The following PPP2R2B variants were observed in gnomAD, a reference collection of about 807,000 sequenced individuals.
The protein encoded by PPP2R2B is protein phosphatase 2 regulatory subunit Bbeta.
A neutral mutation model predicts 46.0 loss-of-function variants in PPP2R2B; 5 were observed. The observed-to-expected ratio is 0.11, with a 90% confidence interval of 0.06 to 0.23. The LOEUF (loss-of-function observed/expected upper bound fraction) is 0.23, where lower values mean the gene tolerates loss of function less well. PPP2R2B is among the 10% of genes least tolerant of loss of function. PPP2R2B has a pLI of 1.00. For synonymous variants in PPP2R2B, 215 were observed against 206.7 expected (o/e 1.04, Z -0.34); for missense variants, 367 against 575.0 (o/e 0.64, Z 3.70).
rs376814651 is a variant in PPP2R2B, at chr5:146,604,203, A to AC, written c.791-3744_791-3743insG. Among the ~76,000 whole-genome samples, 499 of 152,318 alleles carry AC rather than the reference A, an allele frequency of 3.3e-3. 4 individuals are homozygous for AC. The highest frequency in any genetic ancestry group is 0.012 in the African/African-American group (480 of 41,570). Reference sequence around the variant, plus strand: ...GTGATTTTACTGTGTTATCAGACGGAAATCATGGTGCTATGGAACTGGCTA... The same window carrying AC: ...GTGATTTTACTGTGTTATCAGACGGACAATCATGGTGCTATGGAACTGGCTA... On this transcript the variant is annotated intron_variant, in intron 7 of 9. Coordinates refer to ENST00000394411, the MANE Select transcript of PPP2R2B (RefSeq NM_181675.4).
At chr5:146,875,305 G>A (rs1761833035) in intron 2 of PPP2R2B, among the ~76,000 whole-genome samples, 1 of 152,034 alleles carries the variant, frequency 6.6e-6, no homozygotes, top group Non-Finnish European at 1.5e-5. Context: ...AGGTAGGGGA[G>A]GGTGGTAATT....
intron 1 of PPP2R2B, among the ~76,000 whole-genome samples, chr5:146,960,205 A>G (rs1752105861): frequency 6.6e-6 from 1 of 152,160 alleles, no homozygotes; most frequent in Non-Finnish European, 1.5e-5. Context: ...TATTGAGAGT[A>G]TCCAGGATAG....
intron 2 of PPP2R2B, among the ~76,000 whole-genome samples, chr5:146,721,194 C>A (rs1171106885): frequency 6.6e-6 from 1 of 152,116 alleles, no homozygotes; most frequent in African/African-American, 2.4e-5. Flanking sequence ...TCTAATATGA[C>A]CCTGTTGGAA....
At chr5:146,737,996 T>TA in intron 2 of PPP2R2B, among the ~76,000 whole-genome samples, 1 of 152,112 alleles carries the variant, frequency 6.6e-6, no homozygotes, top group East Asian at 1.9e-4. Context: ...ACCTGGGGAC[T>TA]ATGTTCGACC....
intron 2 of PPP2R2B, among the ~76,000 whole-genome samples, chr5:146,864,715 A>G (rs1761207515): frequency 6.6e-6 from 1 of 152,212 alleles, no homozygotes; most frequent in Admixed American, 6.5e-5. Flanking sequence ...CCTCTCAGAA[A>G]GGGTCGAAGT....
At chr5:146,738,553 G>A (rs954312784) in intron 2 of PPP2R2B, among the ~76,000 whole-genome samples, 1 of 152,140 alleles carries the variant, frequency 6.6e-6, no homozygotes, top group Non-Finnish European at 1.5e-5. Flanking sequence ...GTTCTTGAAA[G>A]GAGGGAGAAA....
At chr5:146,854,981 A>C (rs1011265978) in intron 2 of PPP2R2B, among the ~76,000 whole-genome samples, 2 of 151,994 alleles carry the variant, frequency 1.3e-5, no homozygotes, top group African/African-American at 4.8e-5. Context: ...AAATACTTCC[A>C]TTTTTTTTCT....
At chr5:146,971,559 T>C (rs1252749676) in intron 1 of PPP2R2B, among the ~76,000 whole-genome samples, 1 of 152,216 alleles carries the variant, frequency 6.6e-6, no homozygotes, top group Non-Finnish European at 1.5e-5. Flanking sequence ...CTATGATGAA[T>C]AATCTTGTAT....
intron 2 of PPP2R2B, among the ~76,000 whole-genome samples, chr5:146,749,698 A>C (rs1753428200): frequency 7.2e-6 from 1 of 139,558 alleles, no homozygotes; most frequent in Non-Finnish European, 1.5e-5. Context: ...TCCCAGGTTC[A>C]CGCCATTGTC....
intron 1 of PPP2R2B, among the ~76,000 whole-genome samples, chr5:146,954,543 C>A (rs992371103): frequency 3.3e-5 from 5 of 152,070 alleles, no homozygotes; most frequent in African/African-American, 1.2e-4. Context: ...TAAAAGACTA[C>A]AAACTGGGTG....
At chr5:146,813,864 C>T (rs765740257) in intron 2 of PPP2R2B, among the ~76,000 whole-genome samples, 14 of 152,106 alleles carry the variant, frequency 9.2e-5, no homozygotes, top group South Asian at 2.1e-4. Context: ...GGGACAGAAA[C>T]GGAGAGAGCA....
intron 2 of PPP2R2B, among the ~76,000 whole-genome samples, chr5:146,774,571 C>T (rs977303800): frequency 3.3e-5 from 5 of 152,124 alleles, no homozygotes; most frequent in African/African-American, 1.2e-4. Flanking sequence ...AATCCCAGCA[C>T]TTTGGGAGGC....
intron 5 of PPP2R2B, among the ~76,000 whole-genome samples, chr5:146,680,157 A>G (rs1392804633): frequency 2.0e-5 from 3 of 150,696 alleles, no homozygotes; most frequent in Non-Finnish European, 4.4e-5. Context: ...AATGTCCAAC[A>G]ATGATAGACT....
In PPP2R2B at chr5:146,795,851, T is replaced by C. The variant is rs541544311; in HGVS notation, c.70+82151A>G. Among the ~76,000 whole-genome samples the C allele has an allele frequency of 5.9e-5, 9 of 152,274 alleles. No homozygotes were observed. In the South Asian group the frequency reaches 1.9e-3, roughly 32 times the overall value. ...CATGACTAAAAAACAGAAGATTCGA[T>C]GGAATAACGCACATAAAATGACCAG... On this transcript the variant is annotated intron_variant, in intron 2 of 9. Transcript: ENST00000394411.
At chr5:146,707,617 G>A (rs1290097996) in intron 2 of PPP2R2B, 6 of 633,706 alleles carry the variant, frequency 9.5e-6, no homozygotes, top group African/African-American at 1.8e-5. Context: ...CAGGAGTGGA[G>A]GCAGGCGGGC....
intron 7 of PPP2R2B, among the ~76,000 whole-genome samples, chr5:146,605,940 A>G (rs976073651): frequency 1.3e-5 from 2 of 152,198 alleles, no homozygotes; most frequent in Non-Finnish European, 2.9e-5. Context: ...ATATGAATAG[A>G]TCTCCATGGA....
In PPP2R2B at chr5:146,737,951, CA is replaced by C. The variant is rs111682271; in HGVS notation, c.71-36810del. Among the ~76,000 whole-genome samples the C allele has an allele frequency of 2.4e-3, 351 of 146,448 alleles. 1 individual carries two copies. The highest frequency in any genetic ancestry group is 8.6e-3 in the African/African-American group (324 of 37,808). ...TGAGACCCTGTCTCAAAAAACAAAA[CA>C]AAACAAAAAAAACGTTGTTAGAAAC... On this transcript the variant is annotated intron_variant, in intron 2 of 9. Transcript: ENST00000394411.
At chr5:146,654,033 A>T (rs1011621698) in intron 5 of PPP2R2B, among the ~76,000 whole-genome samples, 1 of 152,140 alleles carries the variant, frequency 6.6e-6, no homozygotes, top group Non-Finnish European at 1.5e-5. Context: ...CTCTGGCCAC[A>T]TTCTCCCTTT....
intron 2 of PPP2R2B, among the ~76,000 whole-genome samples, chr5:146,764,598 T>A (rs1012620733): frequency 3.3e-5 from 5 of 152,130 alleles, no homozygotes; most frequent in African/African-American, 1.2e-4. Context: ...GATCACATAC[T>A]TGTCTACTTC....
Sources: allele counts gnomAD v4.1 joint callset (sites outside exome capture counted in the v4.1 genomes callset), GRCh38; gene constraint gnomAD v4.1.1; transcripts MANE v1.5; gene names NCBI Gene and HGNC (gene_info 2026-07-23, HGNC 2026-07-21).